Variants in ROBO2 observed in about 807,000 individuals in gnomAD.
ROBO2 encodes roundabout homolog 2.
Under a neutral mutation model 160.8 loss-of-function variants are expected in ROBO2, and 53 were observed. The ratio of observed to expected loss-of-function variants is 0.33; its 90% confidence interval spans 0.26 to 0.41. The LOEUF (loss-of-function observed/expected upper bound fraction) is 0.41. ROBO2 is among the 10% of genes least tolerant of loss of function. The probability of loss-of-function intolerance (pLI) is 1.00; values close to 1 mark genes in which losing one functional copy is unlikely to be tolerated. For missense variants in ROBO2, 1,577 were observed against 1,722.4 expected (o/e 0.92, Z 1.49); for synonymous variants, 664 against 611.7 (o/e 1.09, Z -1.26).
chr3:77,312,658 T>C (rs2063647985), intron 2 of ROBO2, among the ~76,000 whole-genome samples: 1 of 152,188 alleles, frequency 6.6e-6, no homozygotes, highest in Non-Finnish European at 1.5e-5. Flanking sequence ...TAAAGATCCC[T>C]CTGGCAAACT....
chr3:76,099,037 A>G (rs755087928), intron 2 of ROBO2, among the ~76,000 whole-genome samples: 4 of 152,114 alleles, frequency 2.6e-5, no homozygotes, highest in Non-Finnish European at 5.9e-5. Context: ...GTGGGCATCT[A>G]TTTTTCATCC....
At chr3:77,290,683 T>G (rs376930654) in intron 2 of ROBO2, among the ~76,000 whole-genome samples, 45 of 30,602 alleles carry the variant, frequency 1.5e-3, no homozygotes, top group African/African-American at 3.4e-3. Context: ...AAACGGGTAA[T>G]CTGAGGCTAG....
At position 76,146,034 on chromosome 3, in the gene ROBO2, A is replaced by G. The variant is rs532261284; in HGVS notation, c.109+208432A>G. Among the ~76,000 whole-genome samples the G allele has an allele frequency of 2.0e-5, 3 of 152,106 alleles. No individual in the cohort carries two copies. The East Asian group carries it at 5.8e-4, about 30-fold the overall frequency. ...TGTTCATCAACTTTAATTCTGGTTT[A>G]TATCATACACAGTTTAGATTCCATA... is the stretch of plus-strand genomic sequence containing the variant. On this transcript the variant is annotated intron_variant, in intron 2 of 26. Coordinates refer to the ROBO2 transcript ENST00000487694.
chr3:77,029,935 A>C (rs1302591522), intron 2 of ROBO2, among the ~76,000 whole-genome samples: 8 of 151,992 alleles, frequency 5.3e-5, no homozygotes, highest in Non-Finnish European at 1.5e-5. Flanking sequence ...ATTATCATAA[A>C]AATGCCATTC....
At chr3:77,314,335 C>T (rs1456214072) in intron 2 of ROBO2, among the ~76,000 whole-genome samples, 1 of 152,180 alleles carries the variant, frequency 6.6e-6, no homozygotes, top group Non-Finnish European at 1.5e-5. Flanking sequence ...GACTTAACTC[C>T]ATATTTTAAG....
At chr3:77,472,968 A>T (rs1334235286) in intron 2 of ROBO2, among the ~76,000 whole-genome samples, 1 of 152,094 alleles carries the variant, frequency 6.6e-6, no homozygotes, top group South Asian at 2.1e-4. Context: ...GTGCCAAGGA[A>T]ATCAAGGACA....
chr3:76,027,645 G>A (rs1299460598), intron 2 of ROBO2, among the ~76,000 whole-genome samples: 1 of 151,770 alleles, frequency 6.6e-6, no homozygotes, highest in Non-Finnish European at 1.5e-5. Context: ...TAAAACTAAT[G>A]ATTTTCTCAG....
At chr3:76,444,100 G>A (rs1313033518) in intron 2 of ROBO2, among the ~76,000 whole-genome samples, 1 of 151,834 alleles carries the variant, frequency 6.6e-6, no homozygotes, top group Non-Finnish European at 1.5e-5. Context: ...TGAGTAGCTG[G>A]GATTATAGGC....
chr3:77,095,812 C>T (rs1416446630), intron 1 of ROBO2, among the ~76,000 whole-genome samples: 1 of 151,954 alleles, frequency 6.6e-6, no homozygotes, highest in African/African-American at 2.4e-5. Flanking sequence ...CTTTTGTATT[C>T]TGTAAATTCC....
At chr3:77,047,738 A>G (rs981691774) in intron 1 of ROBO2, among the ~76,000 whole-genome samples, 3 of 144,082 alleles carry the variant, frequency 2.1e-5, no homozygotes, top group Non-Finnish European at 4.5e-5. Context: ...ATATAAAATA[A>G]AGATGTATAT....
intron 2 of ROBO2, among the ~76,000 whole-genome samples, chr3:76,108,043 A>G (rs1006337781): frequency 6.6e-6 from 1 of 152,092 alleles, no homozygotes; most frequent in Non-Finnish European, 1.5e-5. Flanking sequence ...GTATTATATT[A>G]GAAAGAATAG....
chr3:76,155,562 CAG>C (rs1301548987), intron 2 of ROBO2, among the ~76,000 whole-genome samples: 4 of 152,204 alleles, frequency 2.6e-5, no homozygotes, highest in East Asian at 1.9e-4. Flanking sequence ...AAAGTCATAA[CAG>C]GGGCTGCTTT....
At chr3:76,865,420 A>T (rs1435750606) in intron 2 of ROBO2, among the ~76,000 whole-genome samples, 1 of 152,106 alleles carries the variant, frequency 6.6e-6, no homozygotes, top group Non-Finnish European at 1.5e-5. Context: ...TTCTGTATTT[A>T]ATCCTCTGCA....
At chr3:75,979,688 T>A (rs1432012807) in intron 2 of ROBO2, among the ~76,000 whole-genome samples, 1 of 151,582 alleles carries the variant, frequency 6.6e-6, no homozygotes, top group Non-Finnish European at 1.5e-5. Flanking sequence ...AATGTCTATA[T>A]AAACTTCTTA....
intron 2 of ROBO2, among the ~76,000 whole-genome samples, chr3:77,186,715 TTTTGA>T (rs967891091): frequency 2.0e-5 from 3 of 151,986 alleles, no homozygotes; most frequent in Non-Finnish European, 2.9e-5. Context: ...TGAGATTTTT[TTTTGA>T]GAGTAAGCAA....
At chr3:76,921,985 T>C (rs1423361262) in intron 2 of ROBO2, among the ~76,000 whole-genome samples, 3 of 152,046 alleles carry the variant, frequency 2.0e-5, no homozygotes, top group East Asian at 1.9e-4. Context: ...TGCCTTTCTA[T>C]GAACAGATAA....
In ROBO2 at chr3:77,023,194, G is replaced by C. The variant is rs372867168; in HGVS notation, c.110-74820G>C. 3.5e-4 allele frequency among the ~76,000 whole-genome samples: 54 copies of C among 152,258 alleles called. 1 individual carries two copies. The South Asian group carries it at 0.011, about 30-fold the overall frequency. ...GATAGTGAAAAGTCTCACGAGATCTGATGGGCTTATCGGGGGTTACTGCTT... is the reference window on the plus strand; with the variant it reads ...GATAGTGAAAAGTCTCACGAGATCTCATGGGCTTATCGGGGGTTACTGCTT... On this transcript the variant is annotated intron_variant, in intron 2 of 26. Coordinates refer to the ROBO2 transcript ENST00000487694.
intron 2 of ROBO2, among the ~76,000 whole-genome samples, chr3:76,310,791 C>T (rs947798153): frequency 1.3e-5 from 2 of 152,096 alleles, no homozygotes; most frequent in Non-Finnish European, 2.9e-5. Flanking sequence ...GGTTTTCAAG[C>T]CCAGCACTAC....
At chr3:76,287,954 T>A (rs186356379) in intron 2 of ROBO2, among the ~76,000 whole-genome samples, 1 of 152,362 alleles carries the variant, frequency 6.6e-6, no homozygotes, top group East Asian at 1.9e-4. Flanking sequence ...ATTTTCCATT[T>A]AGGCTAGAAG....
Sources: allele counts gnomAD v4.1 joint callset (sites outside exome capture counted in the v4.1 genomes callset), GRCh38; gene constraint gnomAD v4.1.1; transcripts MANE v1.5; gene names NCBI Gene and HGNC (gene_info 2026-07-23, HGNC 2026-07-21).